Variants in NALF1 observed in about 807,000 individuals in gnomAD.
NALF1 encodes the protein NALCN channel auxiliary factor 1.
NALF1 carries 3 observed loss-of-function variants against 48.4 expected under a neutral mutation model. The ratio of observed to expected loss-of-function variants is 0.06; its 90% CI spans 0.03 to 0.16. NALF1 has a LOEUF of 0.16. NALF1 is among the 10% of genes least tolerant of loss of function. The pLI, the probability that NALF1 is intolerant of heterozygous loss-of-function variation, is 1.00. For missense variants in NALF1, 526 were observed against 571.5 expected, an observed-to-expected ratio of 0.92 and a Z score of 0.81; for synonymous variants, 262 against 245.7, an observed-to-expected ratio of 1.07 and a Z score of -0.62.
At chr13:107,789,276 C>T (rs1878162607) in intron 1 of NALF1, among the ~76,000 whole-genome samples, 1 of 152,184 alleles carries the variant, frequency 6.6e-6, no homozygotes, top group African/African-American at 2.4e-5. Flanking sequence ...ACTGTGATCT[C>T]TACTCCACAG....
intron 1 of NALF1, among the ~76,000 whole-genome samples, chr13:107,505,981 C>A (rs1415571851): frequency 3.9e-5 from 6 of 152,078 alleles, no homozygotes; most frequent in Admixed American, 3.9e-4. Flanking sequence ...TCAATAAATA[C>A]TGATAGAACT....
intron 1 of NALF1, among the ~76,000 whole-genome samples, chr13:107,290,186 AC>A (rs138825692): frequency 3.5e-5 from 5 of 143,856 alleles, no homozygotes; most frequent in African/African-American, 5.5e-5. Flanking sequence ...AAAAAAAAAA[AC>A]AAAAAAAAAA....
rs141464267 is a variant in NALF1, at chr13:107,777,933, A to T, written c.915+87749T>A. Among the ~76,000 whole-genome samples, 761 of 152,350 alleles carry T rather than the reference A, an allele frequency of 5.0e-3. 7 individuals carry two copies. Among genetic ancestry groups the T allele is most frequent in the African/African-American group, 0.018 (734 of 41,582 alleles). On this transcript the variant is annotated intron_variant, in intron 1 of 2. Coordinates refer to ENST00000375915, the MANE Select transcript of NALF1 (RefSeq NM_001080396.3). ...ACATATTTTTACAACATACTCCCAG[A>T]AATGTTCTTCCTTTGCCTTTGTGAC...
rs150657489 is a variant in NALF1 at position 107,236,032 on chromosome 13, GAGTTC to G, written c.916-25282_916-25278del. ...AAAGAATAGCACAAATGTCATAGAT[GAGTTC>G]AGTCCCTCACTGTCTCCTAATAGTG... On this transcript the variant is annotated intron_variant, in intron 1 of 2. Transcript: ENST00000375915. 5.1e-3 allele frequency among the ~76,000 whole-genome samples: 779 copies of G among 152,298 alleles called. 19 individuals carry two copies. The highest frequency in any genetic ancestry group is 0.041 in the East Asian group (213 of 5,172).
At chr13:107,754,065 T>C (rs1329393603) in intron 1 of NALF1, among the ~76,000 whole-genome samples, 1 of 152,112 alleles carries the variant, frequency 6.6e-6, no homozygotes, top group Non-Finnish European at 1.5e-5. Flanking sequence ...CTCTAATCCA[T>C]GGGGAATAAA....
intron 1 of NALF1, among the ~76,000 whole-genome samples, chr13:107,579,604 T>TC (rs58630075): frequency 7.9e-5 from 12 of 151,976 alleles, no homozygotes; most frequent in Non-Finnish European, 1.3e-4. Context: ...TCTTTTCTTT[T>TC]TAACCTTAAA....
intron 1 of NALF1, among the ~76,000 whole-genome samples, chr13:107,838,532 T>C (rs1879964704): frequency 6.6e-6 from 1 of 152,144 alleles, no homozygotes; most frequent in Non-Finnish European, 1.5e-5. Flanking sequence ...TCAAATTGTG[T>C]CGTACGTAAC....
intron 1 of NALF1, among the ~76,000 whole-genome samples, chr13:107,338,873 C>T (rs1464899901): frequency 1.3e-5 from 2 of 152,074 alleles, no homozygotes; most frequent in African/African-American, 4.8e-5. Context: ...TGGCTCATGC[C>T]TGTAATCCCA....
At chr13:107,322,769 A>T (rs79147864) in intron 1 of NALF1, among the ~76,000 whole-genome samples, 1 of 152,264 alleles carries the variant, frequency 6.6e-6, no homozygotes, top group East Asian at 1.9e-4. Flanking sequence ...TTCTGTAAGG[A>T]AGGAGACAGG....
At position 107,387,736 on chromosome 13, in the gene NALF1, A is replaced by T. The variant is rs188537388; in HGVS notation, c.916-176981T>A. ...AGAAAAGTGCTGACTGTGCAAGCCC[A>T]GAAAGCTAACAATTGGTGCAGCAGC... is the stretch of plus-strand genomic sequence containing the variant. On this transcript the variant is annotated intron_variant, in intron 1 of 2. Coordinates refer to ENST00000375915, the MANE Select transcript of NALF1 (RefSeq NM_001080396.3). Among the ~76,000 whole-genome samples, 374 of 152,346 alleles carry T rather than the reference A, an allele frequency of 2.5e-3. 1 individual carries two copies. The highest frequency in any genetic ancestry group is 3.5e-3 in the Non-Finnish European group (239 of 68,032).
intron 2 of NALF1, among the ~76,000 whole-genome samples, chr13:107,182,284 G>C (rs1343491350): frequency 6.7e-6 from 1 of 150,276 alleles, no homozygotes. Flanking sequence ...TGGTTTGTTT[G>C]TTTTGAGACA....
intron 1 of NALF1, among the ~76,000 whole-genome samples, chr13:107,354,735 TC>T (rs1399142952): frequency 6.6e-6 from 1 of 152,192 alleles, no homozygotes. Flanking sequence ...GACTTCTGTT[TC>T]TGTAGTCCCT....
intron 1 of NALF1, among the ~76,000 whole-genome samples, chr13:107,725,755 G>A (rs908454628): frequency 1.3e-5 from 2 of 151,674 alleles, no homozygotes; most frequent in African/African-American, 4.8e-5. Context: ...GCCCTAGAAC[G>A]TGATTGTATT....
intron 1 of NALF1, among the ~76,000 whole-genome samples, chr13:107,711,589 T>A (rs971280559): frequency 6.6e-6 from 1 of 152,192 alleles, no homozygotes; most frequent in Admixed American, 6.5e-5. Flanking sequence ...ATAAAGTAGA[T>A]GCATTTGCAA....
chr13:107,758,306 A>T (rs1476957696), intron 1 of NALF1, among the ~76,000 whole-genome samples: 2 of 152,250 alleles, frequency 1.3e-5, no homozygotes, highest in African/African-American at 4.8e-5. Flanking sequence ...TTATCCATGT[A>T]TGTATTCCCA....
At chr13:107,835,035 C>G (rs1418484412) in intron 1 of NALF1, among the ~76,000 whole-genome samples, 1 of 152,192 alleles carries the variant, frequency 6.6e-6, no homozygotes, top group African/African-American at 2.4e-5. Context: ...TAATACTTGC[C>G]TTTCTCTTCT....
At chr13:107,368,973 G>A (rs924368385) in intron 1 of NALF1, among the ~76,000 whole-genome samples, 5 of 152,126 alleles carry the variant, frequency 3.3e-5, no homozygotes, top group African/African-American at 9.7e-5. Context: ...TGTCACTTTC[G>A]TGCATTTGCA....
intron 1 of NALF1, among the ~76,000 whole-genome samples, chr13:107,559,952 C>T (rs1169071696): frequency 6.6e-6 from 1 of 151,960 alleles, no homozygotes; most frequent in African/African-American, 2.4e-5. Context: ...GGGGATCCAC[C>T]GGCCGAGGAA....
intron 2 of NALF1, among the ~76,000 whole-genome samples, chr13:107,174,191 T>C (rs1057158411): frequency 2.6e-5 from 4 of 152,190 alleles, no homozygotes; most frequent in African/African-American, 9.7e-5. Context: ...TGTGTTTGTT[T>C]GTCCCTTGTT....
Sources: allele counts gnomAD v4.1 joint callset (sites outside exome capture counted in the v4.1 genomes callset), GRCh38; gene constraint gnomAD v4.1.1; transcripts MANE v1.5; gene names NCBI Gene and HGNC (gene_info 2026-07-23, HGNC 2026-07-21).